Variants in GRK3 observed in about 807,000 individuals in gnomAD.
GRK3 encodes adrenergic, beta, receptor kinase 2.
GRK3 carries 54 observed loss-of-function variants against 95.7 expected under a neutral mutation model. The observed-to-expected ratio is 0.56, with a 90% confidence interval of 0.45 to 0.71. GRK3 has a LOEUF of 0.71. Ranked by LOEUF, GRK3 falls within the 30% of genes least tolerant of loss-of-function variation. GRK3 has a pLI of 0.00. For synonymous variants in GRK3, 281 were observed against 290.8 expected (o/e 0.97, Z 0.34); for missense variants, 649 against 851.2 (o/e 0.76, Z 2.96).
chr22:25,636,130 C>T (rs2084699488), intron 2 of GRK3, among the ~76,000 whole-genome samples: 1 of 152,154 alleles, frequency 6.6e-6, no homozygotes, highest in African/African-American at 2.4e-5. Flanking sequence ...ATGTTTAAAG[C>T]TCATGTTGTT....
chr22:25,679,475 G>A (rs973267887), intron 9 of GRK3, among the ~76,000 whole-genome samples: 8 of 152,082 alleles, frequency 5.3e-5, no homozygotes, highest in Non-Finnish European at 1.0e-4. Context: ...TGTATATTAA[G>A]CTATCATTTT....
intron 11 of GRK3, among the ~76,000 whole-genome samples, chr22:25,688,059 AC>A (rs1247098601): frequency 3.9e-5 from 6 of 151,956 alleles, no homozygotes; most frequent in South Asian, 4.2e-4. Flanking sequence ...ACACAGTGAA[AC>A]CCCGTCTCTA....
chr22:25,679,839 C>T (rs1053754671), intron 9 of GRK3, among the ~76,000 whole-genome samples: 2 of 152,170 alleles, frequency 1.3e-5, no homozygotes, highest in African/African-American at 2.4e-5. Flanking sequence ...GGTTTATATT[C>T]AGTGAGAAAT....
At chr22:25,664,516 A>ATTTTTT (rs1196086432) in intron 5 of GRK3, among the ~76,000 whole-genome samples, 2 of 121,552 alleles carry the variant, frequency 1.6e-5, no homozygotes, top group Admixed American at 8.1e-5. Context: ...TGACTTTGGC[A>ATTTTTT]TTTTTTTTTT....
Position 25,722,324 on chromosome 22 carries a change from G to T in GRK3, c.1941G>T (p.Leu647Phe). 6.2e-7 allele frequency: 1 copy of T among 1,614,206 alleles called. No individual in the cohort carries two copies. The highest frequency in any genetic ancestry group is 8.5e-7 in the Non-Finnish European group (1 of 1,180,040). ...DPEFVQWKKE[L>F]NETFKEAQRL... is the part of the protein sequence containing the mutation. ...AGTTTGTGCAGTGGAAGAAAGAGTT[G>T]AACGAAACCTTCAAGGAGGCCCAGC... Residue 647 changes from leucine (L) to phenylalanine (F), a missense_variant, in exon 21 of 21, where the codon TTG becomes TTT. By Grantham distance (22) the Leu-to-Phe change is conservative. Coordinates refer to ENST00000324198, the MANE Select transcript of GRK3 (RefSeq NM_005160.4).
chr22:25,615,951 A>G (rs2103589), intron 2 of GRK3, among the ~76,000 whole-genome samples: 2 of 146,076 alleles, frequency 1.4e-5, no homozygotes, highest in African/African-American at 5.6e-5. Context: ...CAAAGACCCT[A>G]AGGCTGGAAC....
intron 1 of GRK3, chr22:25,581,294 T>C (rs12158578): frequency 1.3e-5 from 2 of 151,952 alleles, no homozygotes; most frequent in Non-Finnish European, 2.9e-5. Context: ...AGAAGATGGC[T>C]AGGTGTGAAT....
At chr22:25,651,037 A>C (rs2084827089) in intron 3 of GRK3, among the ~76,000 whole-genome samples, 1 of 152,226 alleles carries the variant, frequency 6.6e-6, no homozygotes, top group African/African-American at 2.4e-5. Flanking sequence ...AAGTTGGCAA[A>C]AACAGCCTTC....
intron 1 of GRK3, among the ~76,000 whole-genome samples, chr22:25,599,087 A>G (rs1184189629): frequency 6.6e-6 from 1 of 152,206 alleles, no homozygotes; most frequent in Non-Finnish European, 1.5e-5. Context: ...TTGATCATAA[A>G]TCTGCATTTG....
chr22:25,573,539 T>G (rs16980492), intron 1 of GRK3, among the ~76,000 whole-genome samples: 4,501 of 152,250 alleles, frequency 0.03, 116 homozygotes, highest in Middle Eastern at 0.068. Flanking sequence ...TAGACAATTA[T>G]GGACTAAAAT....
intron 2 of GRK3, among the ~76,000 whole-genome samples, chr22:25,612,838 A>C (rs2084508854): frequency 6.8e-6 from 1 of 148,040 alleles, no homozygotes; most frequent in African/African-American, 2.6e-5. Flanking sequence ...AGAAACTACT[A>C]CCTCTAAAAG....
intron 11 of GRK3, among the ~76,000 whole-genome samples, chr22:25,689,831 TCCTGCCCTTGAGAGG>T (rs1164610150): frequency 6.6e-6 from 1 of 152,224 alleles, no homozygotes; most frequent in Non-Finnish European, 1.5e-5. Flanking sequence ...TGGACTCACC[TCCTGCCCTTGAGAGG>T]CATGCTGTTG....
At chr22:25,623,420 T>C (rs2084601863) in intron 2 of GRK3, among the ~76,000 whole-genome samples, 1 of 152,224 alleles carries the variant, frequency 6.6e-6, no homozygotes, top group Non-Finnish European at 1.5e-5. Context: ...TGTTTGCATC[T>C]GTCCCTTCCC....
At chr22:25,637,227 C>G (rs2084708660) in intron 2 of GRK3, among the ~76,000 whole-genome samples, 2 of 152,172 alleles carry the variant, frequency 1.3e-5, no homozygotes, top group African/African-American at 2.4e-5. Context: ...GGGAGTTACA[C>G]CATTGGTTCT....
intron 3 of GRK3, among the ~76,000 whole-genome samples, chr22:25,653,341 G>A (rs941984226): frequency 3.9e-5 from 6 of 152,048 alleles, no homozygotes; most frequent in African/African-American, 1.2e-4. Flanking sequence ...GATATAATAC[G>A]AACACTAACC....
intron 9 of GRK3, among the ~76,000 whole-genome samples, chr22:25,683,208 AT>A (rs1256064576): frequency 6.6e-6 from 1 of 152,252 alleles, no homozygotes; most frequent in African/African-American, 2.4e-5. Flanking sequence ...TGCAGAAAAC[AT>A]TTGCTGATCC....
intron 9 of GRK3, among the ~76,000 whole-genome samples, chr22:25,680,000 A>G (rs1362129988): frequency 6.6e-6 from 1 of 152,174 alleles, no homozygotes; most frequent in African/African-American, 2.4e-5. Context: ...TCCTTCCCCA[A>G]ATCTCTAGAC....
rs765777611 is a variant in GRK3 at position 25,687,621 on chromosome 22, G to C, written c.911G>C (p.Gly304Ala). 5.6e-6 allele frequency: 9 copies of C among 1,614,118 alleles called. No individual in the cohort carries two copies. The highest frequency in any genetic ancestry group is 7.6e-6 in the Non-Finnish European group (9 of 1,179,998). Residue 304 changes from glycine (G) to alanine (A), a missense_variant, in exon 11 of 21, where the codon GGT becomes GCT. By Grantham distance (60) the Gly-to-Ala change is moderately conservative (BLOSUM62 0). Coordinates refer to ENST00000324198, the MANE Select transcript of GRK3 (RefSeq NM_005160.4). Reference protein sequence around the residue: ...MRFYATEIILGLEHMHNRFVV... With the variant: ...MRFYATEIILALEHMHNRFVV... ...TTTTATGCCACTGAAATCATTCTGG[G>C]TCTGGAACACATGCACAATCGGTTT...
chr22:25,708,822 C>T (rs1348859953), intron 15 of GRK3, among the ~76,000 whole-genome samples: 1 of 151,284 alleles, frequency 6.6e-6, no homozygotes, highest in Non-Finnish European at 1.5e-5. Context: ...CCACCATGCC[C>T]AGCTAATTTT....
Sources: allele counts gnomAD v4.1 joint callset (sites outside exome capture counted in the v4.1 genomes callset), GRCh38; gene constraint gnomAD v4.1.1; transcripts MANE v1.5; gene names NCBI Gene and HGNC (gene_info 2026-07-23, HGNC 2026-07-21).